Variants in BCKDHB observed in about 807,000 individuals in gnomAD.
BCKDHB encodes 2-oxoisovalerate dehydrogenase subunit beta, mitochondrial.
Under a neutral mutation model 48.5 loss-of-function variants are expected in BCKDHB, and 41 were observed. That is an observed-to-expected ratio of 0.85 (90% CI 0.66 to 1.10). BCKDHB has a LOEUF of 1.10. BCKDHB is among the 50% of genes least tolerant of loss of function. BCKDHB has a pLI of 0.00. For synonymous variants in BCKDHB, 201 were observed against 174.8 expected, an observed-to-expected ratio of 1.15 and a Z score of -1.18; for missense variants, 496 against 494.2, an observed-to-expected ratio of 1.00 and a Z score of -0.03.
At chr6:80,404,006 T>A in the BCKDHB span, among the ~76,000 whole-genome samples, 1 of 151,948 alleles carries the variant, frequency 6.6e-6, no homozygotes, top group African/African-American at 2.4e-5. Context: ...TTTTTGCATC[T>A]ATGCTCATCA....
intron 3 of BCKDHB, among the ~76,000 whole-genome samples, chr6:80,164,350 A>G (rs1772470427): frequency 6.6e-6 from 1 of 152,110 alleles, no homozygotes; most frequent in Non-Finnish European, 1.5e-5. Flanking sequence ...CTCTGCCCAG[A>G]ATATTTATTC....
At chr6:80,394,822 C>A in the BCKDHB span, among the ~76,000 whole-genome samples, 2 of 152,060 alleles carry the variant, frequency 1.3e-5, no homozygotes, top group Admixed American at 1.3e-4. Context: ...CCCATAATCC[C>A]CATGTGTCAT....
intron 9 of BCKDHB, among the ~76,000 whole-genome samples, chr6:80,286,354 G>A (rs668643): frequency 0.8 from 121,414 of 152,162 alleles, 48,621 homozygotes; most frequent in Admixed American, 0.87. Context: ...GATTTGCTAA[G>A]TACTTAAACA....
the BCKDHB span, among the ~76,000 whole-genome samples, chr6:80,442,279 A>G: frequency 2.0e-5 from 3 of 152,148 alleles, no homozygotes; most frequent in African/African-American, 7.2e-5. Flanking sequence ...ATTTAGTACA[A>G]TTTCATGTTC....
chr6:80,111,513 A>T (rs993046715), intron 1 of BCKDHB, among the ~76,000 whole-genome samples: 1 of 152,298 alleles, frequency 6.6e-6, no homozygotes. Flanking sequence ...TTTTTCTTGC[A>T]TTTGAAGCAA....
At chr6:80,202,406 G>A (rs112920135) in intron 7 of BCKDHB, among the ~76,000 whole-genome samples, 7 of 152,008 alleles carry the variant, frequency 4.6e-5, no homozygotes, top group Non-Finnish European at 1.5e-5. Context: ...ATACGATTAT[G>A]TCTCCCTCCT....
the BCKDHB span, among the ~76,000 whole-genome samples, chr6:80,352,810 C>T: frequency 6.6e-6 from 1 of 152,172 alleles, no homozygotes; most frequent in African/African-American, 2.4e-5. Flanking sequence ...GACTCTCAGC[C>T]TGAAAGTTGA....
At position 80,149,633 on chromosome 6, in the gene BCKDHB, G is replaced by C. The variant is rs573204935; in HGVS notation, c.344-18045G>C. ...GAAAATGTGGCACATATACACCATG[G>C]AATACTATGCAGCCATAAAAAATGA... On this transcript the variant is annotated intron_variant, in intron 3 of 9. Coordinates refer to ENST00000320393, the MANE Select transcript of BCKDHB (RefSeq NM_183050.4). 1.6e-3 allele frequency among the ~76,000 whole-genome samples: 247 copies of C among 151,232 alleles called. 1 individual carries two copies. Among genetic ancestry groups the C allele is most frequent in the African/African-American group, 5.7e-3 (234 of 41,046 alleles).
At chr6:80,416,971 C>T in the BCKDHB span, among the ~76,000 whole-genome samples, 10 of 152,004 alleles carry the variant, frequency 6.6e-5, no homozygotes, top group East Asian at 1.9e-3. Flanking sequence ...CTCCCGCTGT[C>T]ATTGTGTAGG....
At chr6:80,140,063 GC>G (rs1771111641) in intron 3 of BCKDHB, among the ~76,000 whole-genome samples, 1 of 152,144 alleles carries the variant, frequency 6.6e-6, no homozygotes, top group Non-Finnish European at 1.5e-5. Context: ...TCTCTTTGAA[GC>G]AATTGTGAAT....
At position 80,228,846 on chromosome 6, in the gene BCKDHB, C is replaced by T. The variant is rs1294495318; in HGVS notation, c.951+25634C>T. Among the ~76,000 whole-genome samples, 5 of 152,074 alleles carry T rather than the reference C, an allele frequency of 3.3e-5. No individual in the cohort carries two copies. In the South Asian group the frequency reaches 1.0e-3, roughly 31 times the overall value. The stretch of plus-strand genomic sequence containing the variant: ...TCAGAAGTTTGTTCTTCTCTCTGCT[C>T]GATGGGAGTTAAAAAGTATAGCAGT... On this transcript the variant is annotated intron_variant, in intron 8 of 9. Transcript: ENST00000320393.
At chr6:80,328,749 C>G (rs1769171393) in intron 9 of BCKDHB, among the ~76,000 whole-genome samples, 1 of 152,076 alleles carries the variant, frequency 6.6e-6, no homozygotes, top group African/African-American at 2.4e-5. Context: ...TATTATGGTA[C>G]TAGCTCAGAA....
the BCKDHB span, among the ~76,000 whole-genome samples, chr6:80,401,294 A>T: frequency 6.6e-6 from 1 of 152,024 alleles, no homozygotes; most frequent in South Asian, 2.1e-4. Flanking sequence ...TACTTAATAT[A>T]TGCCTCTCAA....
At chr6:80,453,798 T>C in the BCKDHB span, among the ~76,000 whole-genome samples, 11 of 152,158 alleles carry the variant, frequency 7.2e-5, no homozygotes, top group African/African-American at 2.7e-4. Flanking sequence ...ATTATTTTCC[T>C]GATCTCTTCC....
At chr6:80,370,957 C>T in the BCKDHB span, among the ~76,000 whole-genome samples, 1 of 151,946 alleles carries the variant, frequency 6.6e-6, no homozygotes, top group Non-Finnish European at 1.5e-5. Flanking sequence ...CATGCATGCT[C>T]AAATATCTTT....
the BCKDHB span, among the ~76,000 whole-genome samples, chr6:80,420,711 T>G: frequency 1.3e-5 from 2 of 152,216 alleles, no homozygotes; most frequent in Non-Finnish European, 2.9e-5. Flanking sequence ...TATGTACTCC[T>G]GTCCCTTCTC....
intron 8 of BCKDHB, among the ~76,000 whole-genome samples, chr6:80,221,586 A>C (rs1775455337): frequency 6.6e-6 from 1 of 151,462 alleles, no homozygotes; most frequent in African/African-American, 2.4e-5. Flanking sequence ...TGTAAGTAAA[A>C]CCTATTTTCA....
intron 9 of BCKDHB, among the ~76,000 whole-genome samples, chr6:80,308,320 A>G (rs955930976): frequency 6.6e-6 from 1 of 152,116 alleles, no homozygotes; most frequent in African/African-American, 2.4e-5. Flanking sequence ...GTATTCCATC[A>G]TATGATAGTA....
chr6:80,330,592 G>A (rs1011845614), intron 9 of BCKDHB, among the ~76,000 whole-genome samples: 1 of 152,132 alleles, frequency 6.6e-6, no homozygotes, highest in Non-Finnish European at 1.5e-5. Flanking sequence ...ACTCGAACCA[G>A]TGAAGACAAA....
Sources: gnomAD v4.1 joint callset for allele counts (sites outside exome capture counted in the v4.1 genomes callset) on GRCh38, gnomAD v4.1.1 for gene constraint, MANE v1.5 for transcripts, NCBI Gene and HGNC (gene_info 2026-07-23, HGNC 2026-07-21) for gene names.